Variants in LPP observed in about 807,000 individuals in gnomAD.
LPP encodes the protein LIM domain containing preferred translocation partner in lipoma.
LPP carries 38 observed loss-of-function variants against 60.4 expected under a neutral mutation model. The ratio of observed to expected loss-of-function variants is 0.63; its 90% CI spans 0.49 to 0.83. The LOEUF (loss-of-function observed/expected upper bound fraction) is 0.83, where lower values mean the gene tolerates loss of function less well. Among genes scored for constraint, LPP ranks in the 40% least tolerant of loss-of-function variants. LPP has a pLI of 0.00. For missense variants in LPP, 902 were observed against 783.6 expected, an observed-to-expected ratio of 1.15 and a Z score of -1.80; for synonymous variants, 328 against 290.8, an observed-to-expected ratio of 1.13 and a Z score of -1.30.
Position 188,405,877 on chromosome 3 carries a change from TTCTCTTTC to T in LPP, c.-9-233_-9-226del, listed in dbSNP as rs1343019899. ...AGTGTTCTCTTCCTGCTCCTCCTCTTTCTCTTTCTTTCTTTCTTTCTCCTTTTCCTCTC... is the reference window on the plus strand; with the variant it reads ...AGTGTTCTCTTCCTGCTCCTCCTCTTTTTCTTTCTTTCTCCTTTTCCTCTC... On this transcript the variant is annotated intron_variant, in intron 3 of 11. Transcript: ENST00000617246. 1.7e-4 allele frequency among the ~76,000 whole-genome samples: 8 copies of T among 46,094 alleles called. No homozygotes were observed. In the South Asian group the frequency reaches 6.6e-3, roughly 38 times the overall value. The allele number at this position is 46,094 out of a possible 152,430, so 30.2% of individuals were successfully genotyped here. A position where few individuals can be genotyped will look rare whatever the true frequency, so the allele number is the denominator to read the frequency against.
chr3:188,458,621 C>A (rs765337602), intron 4 of LPP, among the ~76,000 whole-genome samples: 1 of 152,210 alleles, frequency 6.6e-6, no homozygotes, highest in Non-Finnish European at 1.5e-5. Context: ...CTATTCCTTT[C>A]CCTCACCCTG....
At chr3:188,368,719 C>CACACACACACACACAGAG (rs1257085181) in intron 3 of LPP, among the ~76,000 whole-genome samples, 2 of 99,522 alleles carry the variant, frequency 2.0e-5, no homozygotes, top group African/African-American at 6.5e-5. Flanking sequence ...CACACACACA[C>CACACACACACACACAGAG]AGAGAGAGAG....
In LPP at chr3:188,448,278, G is replaced by A. The variant is rs188073661; in HGVS notation, c.194-36314G>A. On this transcript the variant is annotated intron_variant, in intron 4 of 11. Coordinates refer to ENST00000617246, the MANE Select transcript of LPP (RefSeq NM_001375462.1). Reference sequence around the variant, plus strand: ...TCCCTTTTGAGTTTTCCTTCACCCCGTCTTTGTAATGGAGATAATATTCTC... The same window carrying A: ...TCCCTTTTGAGTTTTCCTTCACCCCATCTTTGTAATGGAGATAATATTCTC... Among the ~76,000 whole-genome samples, 20 of 140,676 alleles carry A rather than the reference G, an allele frequency of 1.4e-4. No homozygotes were observed. The East Asian group carries it at 4.1e-3, about 29-fold the overall frequency. The allele number at this position is 140,676 out of a possible 152,430, so 92.3% of individuals were successfully genotyped here.
At chr3:188,580,889 A>G (rs1241099210) in intron 6 of LPP, among the ~76,000 whole-genome samples, 2 of 152,054 alleles carry the variant, frequency 1.3e-5, no homozygotes, top group Non-Finnish European at 2.9e-5. Context: ...AGATGAAGCT[A>G]CTTGCCACAA....
chr3:188,153,517 T>A (rs1474699376), upstream of LPP: 1 of 152,456 alleles, frequency 6.6e-6, no homozygotes, highest in African/African-American at 2.4e-5. Flanking sequence ...AGGAGCCCCC[T>A]GACGCGGCCG....
chr3:188,299,641 G>A (rs1219243421), intron 2 of LPP, among the ~76,000 whole-genome samples: 3 of 152,210 alleles, frequency 2.0e-5, no homozygotes, highest in Non-Finnish European at 4.4e-5. Flanking sequence ...GGCATCTGGG[G>A]TGGGCTATCT....
At chr3:188,785,547 T>TATATATTCCATCATATATATATATAC (rs1206082559) in intron 9 of LPP, among the ~76,000 whole-genome samples, 1 of 43,838 alleles carries the variant, frequency 2.3e-5, no homozygotes. Context: ...TATATATATA[T>TATATATTCCATCATATATATATATAC]ACACACACAC....
intron 2 of LPP, among the ~76,000 whole-genome samples, chr3:188,261,367 C>G (rs901439340): frequency 1.3e-5 from 2 of 152,152 alleles, no homozygotes. Context: ...CAGACACACA[C>G]ACACACATAC....
intron 2 of LPP, among the ~76,000 whole-genome samples, chr3:188,249,906 T>A (rs866650654): frequency 8.7e-5 from 13 of 149,754 alleles, no homozygotes; most frequent in African/African-American, 2.9e-4. Context: ...TATATATTTT[T>A]TTTTTTTCCA....
At chr3:188,494,219 G>T (rs1012937970) in intron 5 of LPP, among the ~76,000 whole-genome samples, 2 of 152,122 alleles carry the variant, frequency 1.3e-5, no homozygotes, top group Admixed American at 6.5e-5. Flanking sequence ...GGTCCTCAAG[G>T]CTAATGGTTT....
At chr3:188,719,429 T>C (rs959022134) in intron 8 of LPP, among the ~76,000 whole-genome samples, 80 of 152,358 alleles carry the variant, frequency 5.3e-4, no homozygotes, top group African/African-American at 1.9e-3. Context: ...TCATACCGTC[T>C]TGATACAAAC....
intron 7 of LPP, among the ~76,000 whole-genome samples, chr3:188,689,292 C>T (rs1861580975): frequency 6.6e-6 from 1 of 152,166 alleles, no homozygotes; most frequent in African/African-American, 2.4e-5. Context: ...GACTCTGAAG[C>T]CCAGGCATGC....
intron 9 of LPP, among the ~76,000 whole-genome samples, chr3:188,818,793 AT>A (rs1235884426): frequency 6.6e-6 from 1 of 152,192 alleles, no homozygotes; most frequent in African/African-American, 2.4e-5. Context: ...AGTTGTTAAT[AT>A]TATATGAACG....
At chr3:188,626,675 C>T (rs961621705) in intron 7 of LPP, among the ~76,000 whole-genome samples, 5 of 152,090 alleles carry the variant, frequency 3.3e-5, no homozygotes, top group African/African-American at 9.7e-5. Context: ...ATAAGGACAA[C>T]TCCAGTCGTA....
Position 188,182,723 on chromosome 3 carries a change from T to TAA in LPP, c.-190+28472_-190+28473dup, listed in dbSNP as rs760702553. On this transcript the variant is annotated intron_variant, in intron 1 of 11. Coordinates refer to ENST00000617246, the MANE Select transcript of LPP (RefSeq NM_001375462.1). The surrounding 1 kb of genome is among the most constrained non-coding windows in gnomAD (Gnocchi z 4.4). ...AGCTAAAGAATTGAATATATATATA[T>TAA]AACATATGCACATAATATATATACA... Among the ~76,000 whole-genome samples, 3 of 81,270 alleles carry TAA rather than the reference T, an allele frequency of 3.7e-5. No individual in the cohort carries two copies. The South Asian group carries it at 9.2e-4, about 25-fold the overall frequency. The allele number at this position is 81,270 out of a possible 152,430, so 53.3% of individuals were successfully genotyped here. A position where few individuals can be genotyped will look rare whatever the true frequency, so the allele number is the denominator to read the frequency against.
At chr3:188,357,024 T>C (rs1767798742) in intron 3 of LPP, among the ~76,000 whole-genome samples, 1 of 152,180 alleles carries the variant, frequency 6.6e-6, no homozygotes, top group African/African-American at 2.4e-5. Context: ...TCTCCCTTCT[T>C]CTCCATACAC....
chr3:188,322,230 C>A (rs1051527201), intron 2 of LPP, among the ~76,000 whole-genome samples: 1 of 152,176 alleles, frequency 6.6e-6, no homozygotes, highest in African/African-American at 2.4e-5. Flanking sequence ...ACTGTAGATA[C>A]TTTTCACTGG....
intron 1 of LPP, among the ~76,000 whole-genome samples, chr3:188,202,649 C>T (rs922924132): frequency 6.6e-6 from 1 of 152,306 alleles, no homozygotes; most frequent in African/African-American, 2.4e-5. Flanking sequence ...CAGCCGCGTG[C>T]GTTCCCTGTG....
intron 5 of LPP, among the ~76,000 whole-genome samples, chr3:188,490,607 G>A (rs1265154886): frequency 6.6e-6 from 1 of 151,766 alleles, no homozygotes; most frequent in Non-Finnish European, 1.5e-5. Flanking sequence ...CGGGTGATCC[G>A]CCCACCTCGG....
Sources: allele counts gnomAD v4.1 joint callset (sites outside exome capture counted in the v4.1 genomes callset), GRCh38; gene constraint gnomAD v4.1.1; non-coding constraint Gnocchi (gnomAD v3.1); transcripts MANE v1.5; gene names NCBI Gene and HGNC (gene_info 2026-07-23, HGNC 2026-07-21).